Variants in TENM1 observed in about 807,000 individuals in gnomAD.
TENM1 encodes the protein teneurin-1.
Under a neutral mutation model 174.8 loss-of-function variants are expected in TENM1, and 35 were observed. That is an observed-to-expected ratio of 0.20 (90% CI 0.15 to 0.27). The LOEUF (loss-of-function observed/expected upper bound fraction) is 0.27, where lower values mean the gene tolerates loss of function less well. Ranked by LOEUF, TENM1 falls within the 10% of genes least tolerant of loss-of-function variation. The pLI is 1.00. For synonymous variants in TENM1, 781 were observed against 798.7 expected, an observed-to-expected ratio of 0.98 and a Z score of 0.37; for missense variants, 1,633 against 2,130.1, an observed-to-expected ratio of 0.77 and a Z score of 4.59.
At chrX:125,191,934 GTT>G in the TENM1 span, among the ~76,000 whole-genome samples, 18 of 105,818 alleles carry the variant, frequency 1.7e-4, no homozygotes, top group Non-Finnish European at 2.0e-5. Flanking sequence ...TTTTTTTTTT[GTT>G]TTTTTTTGTT....
chrX:124,660,148 G>C (rs1401454168), intron 6 of TENM1, among the ~76,000 whole-genome samples: 1 of 110,893 alleles, frequency 9.0e-6, no homozygotes, highest in Non-Finnish European at 1.9e-5. Context: ...GCCGAGACGG[G>C]TGGATCACGA....
intron 25 of TENM1, among the ~76,000 whole-genome samples, chrX:124,407,218 CCAAA>C (rs779573196): frequency 7.3e-4 from 35 of 47,979 alleles, no homozygotes; most frequent in South Asian, 1.3e-3. Flanking sequence ...TTTACTTTTT[CCAAA>C]AAAAAAAAAA....
At chrX:124,820,395 T>C (rs2056013575) in intron 3 of TENM1, among the ~76,000 whole-genome samples, 1 of 111,591 alleles carries the variant, frequency 9.0e-6, no homozygotes, top group Admixed American at 9.6e-5. Flanking sequence ...AACTGATGAG[T>C]AGAGACAGAC....
chrX:124,843,190 G>C (rs192048338), intron 3 of TENM1, among the ~76,000 whole-genome samples: 1 of 111,719 alleles, frequency 9.0e-6, no homozygotes, highest in African/African-American at 3.2e-5. Context: ...GTTTGAATTA[G>C]ATAATCAACA....
At chrX:124,529,052 T>C (rs1374764756) in intron 16 of TENM1, among the ~76,000 whole-genome samples, 2 of 111,337 alleles carry the variant, frequency 1.8e-5, no homozygotes, top group African/African-American at 3.3e-5. Context: ...CAACAGGTCT[T>C]TTTTTGCGTA....
the TENM1 span, among the ~76,000 whole-genome samples, chrX:125,025,128 CAG>C: frequency 9.0e-6 from 1 of 111,667 alleles, no homozygotes; most frequent in Non-Finnish European, 1.9e-5. Context: ...GGTCCAAAAA[CAG>C]AGGGCAATGT....
intron 22 of TENM1, among the ~76,000 whole-genome samples, chrX:124,477,169 T>C (rs5958500): frequency 0.013 from 1,387 of 107,778 alleles, 20 homozygotes; most frequent in African/African-American, 0.047. Flanking sequence ...CCTGCCTGTG[T>C]CCCTTAAGGA....
At chrX:124,550,946 G>C (rs1265668426) in intron 14 of TENM1, among the ~76,000 whole-genome samples, 2 of 111,570 alleles carry the variant, frequency 1.8e-5, no homozygotes, top group Non-Finnish European at 3.8e-5. Context: ...TTTTAGTAGA[G>C]ATGGGGCTTC....
chrX:125,048,487 A>T, the TENM1 span, among the ~76,000 whole-genome samples: 2 of 110,810 alleles, frequency 1.8e-5, no homozygotes, highest in African/African-American at 3.3e-5. Context: ...ATCTAAATTG[A>T]CTAACAGAAT....
At chrX:125,118,733 A>G in the TENM1 span, among the ~76,000 whole-genome samples, 1 of 110,052 alleles carries the variant, frequency 9.1e-6, no homozygotes, top group Non-Finnish European at 1.9e-5. Flanking sequence ...CACATCTATT[A>G]GAACGTCTAA....
At chrX:125,065,440 T>C in the TENM1 span, among the ~76,000 whole-genome samples, 3 of 112,046 alleles carry the variant, frequency 2.7e-5, no homozygotes, top group Non-Finnish European at 5.6e-5. Context: ...CTTACAGTCC[T>C]GATTTGGCTC....
intron 5 of TENM1, among the ~76,000 whole-genome samples, chrX:124,703,209 G>A (rs2052816032): frequency 9.0e-6 from 1 of 111,317 alleles, no homozygotes; most frequent in Non-Finnish European, 1.9e-5. Flanking sequence ...CTCACCCAAG[G>A]AAACACACCT....
At chrX:124,461,556 A>G (rs1401143927) in intron 22 of TENM1, among the ~76,000 whole-genome samples, 1 of 112,026 alleles carries the variant, frequency 8.9e-6, no homozygotes, top group Non-Finnish European at 1.9e-5. Context: ...ACAATAGGAT[A>G]TTATTCAGCC....
chrX:124,863,326 G>T (rs766881721), intron 3 of TENM1, among the ~76,000 whole-genome samples: 13 of 110,846 alleles, frequency 1.2e-4, no homozygotes, highest in Non-Finnish European at 2.5e-4. Context: ...GGGGTCCCCA[G>T]TTCCAGGATT....
chrX:125,042,032 A>G, the TENM1 span, among the ~76,000 whole-genome samples: 1 of 112,027 alleles, frequency 8.9e-6, no homozygotes, highest in East Asian at 2.8e-4. Context: ...TATAGTATTC[A>G]TTGTACTTTT....
chrX:124,377,524 A>T (rs1242401089), exon 32 of TENM1: 1 of 112,168 alleles, frequency 8.9e-6, no homozygotes, highest in Non-Finnish European at 1.9e-5. Flanking sequence ...AACTAAAAGT[A>T]AACATATTTA....
At chrX:124,567,499 T>C (rs993035576) in intron 11 of TENM1, among the ~76,000 whole-genome samples, 2 of 111,615 alleles carry the variant, frequency 1.8e-5, no homozygotes, top group African/African-American at 6.5e-5. Context: ...GGCAGAGAAG[T>C]GCCCATTGGA....
chrX:124,942,991 A>G (rs1431941323), intron 1 of TENM1, among the ~76,000 whole-genome samples: 1 of 111,634 alleles, frequency 9.0e-6, no homozygotes, highest in African/African-American at 3.2e-5. Context: ...TGATTATCCT[A>G]GCAAATCTCT....
At chrX:124,970,897 C>T in the TENM1 span, among the ~76,000 whole-genome samples, 1 of 110,429 alleles carries the variant, frequency 9.1e-6, no homozygotes, top group East Asian at 2.9e-4. Flanking sequence ...AAATGTCCAA[C>T]AATGATACAC....
Sources: gnomAD v4.1 joint callset for allele counts (sites outside exome capture counted in the v4.1 genomes callset) on GRCh38, gnomAD v4.1.1 for gene constraint, MANE v1.5 for transcripts, NCBI Gene and HGNC (gene_info 2026-07-23, HGNC 2026-07-21) for gene names.